SEMA3D: variants seen among roughly 807,000 people sequenced by gnomAD.
The protein encoded by SEMA3D is semaphorin 3D.
A neutral mutation model predicts 100.1 loss-of-function variants in SEMA3D; 84 were observed. The observed-to-expected ratio is 0.84, with a 90% CI of 0.70 to 1.01. The LOEUF (loss-of-function observed/expected upper bound fraction) is 1.01, where lower values mean the gene tolerates loss of function less well. SEMA3D is among the 50% of genes least tolerant of loss of function. The pLI is 0.00. For missense variants in SEMA3D, 875 were observed against 934.1 expected (o/e 0.94, Z 0.82); for synonymous variants, 312 against 320.7 (o/e 0.97, Z 0.29).
chr7:85,098,091 A>AAAAG (rs369643030), intron 3 of SEMA3D, 126 bp from the exon 4 acceptor site: 4 of 607,320 alleles, frequency 6.6e-6, no homozygotes, highest in East Asian at 3.0e-5. Context: ...AAAGAAAGAA[A>AAAAG]AAAGAAAGAA....
At chr7:85,028,454 T>C (rs1185287740) in intron 12 of SEMA3D, 2 of 407,022 alleles carry the variant, frequency 4.9e-6, no homozygotes, top group Non-Finnish European at 8.9e-6. Flanking sequence ...GGTGGTGTTT[T>C]TGATCCTCAC....
intron 14 of SEMA3D, among the ~76,000 whole-genome samples, chr7:85,018,807 A>G (rs1471426828): frequency 6.6e-6 from 1 of 151,762 alleles, no homozygotes; most frequent in African/African-American, 2.4e-5. Flanking sequence ...ATATGAACTA[A>G]GGCTAGTTTT....
intron 16 of SEMA3D, among the ~76,000 whole-genome samples, chr7:85,013,171 G>A (rs1366091952): frequency 6.6e-6 from 1 of 151,444 alleles, no homozygotes; most frequent in Non-Finnish European, 1.5e-5. Context: ...ATTAAAATGA[G>A]GATAGCTACT....
At chr7:85,108,829 A>G (rs1179296946) in intron 3 of SEMA3D, among the ~76,000 whole-genome samples, 1 of 151,938 alleles carries the variant, frequency 6.6e-6, no homozygotes, top group Admixed American at 6.6e-5. Flanking sequence ...CTTAATTGCT[A>G]GAAGTGATCA....
intron 4 of SEMA3D, among the ~76,000 whole-genome samples, chr7:85,086,174 CA>C (rs1445759169): frequency 6.6e-6 from 1 of 152,020 alleles, no homozygotes. Flanking sequence ...TTACCTTAAG[CA>C]AAAACAACCT....
At chr7:85,112,238 T>C (rs1020913990) in intron 3 of SEMA3D, among the ~76,000 whole-genome samples, 12 of 152,196 alleles carry the variant, frequency 7.9e-5, no homozygotes, top group African/African-American at 2.9e-4. Context: ...AAATAATTTG[T>C]AAATTACAGA....
intron 4 of SEMA3D, among the ~76,000 whole-genome samples, chr7:85,097,425 T>C (rs1224395853): frequency 6.6e-6 from 1 of 151,884 alleles, no homozygotes; most frequent in Non-Finnish European, 1.5e-5. Context: ...TGAAAGTTAA[T>C]AAAATTTAAT....
intron 3 of SEMA3D, among the ~76,000 whole-genome samples, chr7:85,118,801 T>G (rs1789322634): frequency 6.6e-6 from 1 of 152,144 alleles, no homozygotes; most frequent in African/African-American, 2.4e-5. Flanking sequence ...TTTAATGAGA[T>G]CCAATTTGTC....
chr7:85,028,323 G>C (rs1790448033), intron 12 of SEMA3D: 1 of 680,770 alleles, frequency 1.5e-6, no homozygotes, highest in Non-Finnish European at 2.7e-6. Flanking sequence ...ACTATTGCTG[G>C]TCTCAATGTA....
chr7:85,135,840 C>T (rs1469484457), intron 2 of SEMA3D, among the ~76,000 whole-genome samples: 2 of 150,616 alleles, frequency 1.3e-5, no homozygotes, highest in Admixed American at 6.6e-5. Context: ...TTTACTATCA[C>T]GTTTCTACTT....
At chr7:85,090,572 A>G (rs2116278856) in intron 4 of SEMA3D, among the ~76,000 whole-genome samples, 1 of 152,292 alleles carries the variant, frequency 6.6e-6, no homozygotes, top group South Asian at 2.1e-4. Flanking sequence ...TTGTTTTACA[A>G]ATAATTTGAT....
At chr7:85,202,575 T>G in the SEMA3D span, among the ~76,000 whole-genome samples, 1 of 151,818 alleles carries the variant, frequency 6.6e-6, no homozygotes, top group South Asian at 2.1e-4. Context: ...TGGGAGAAAA[T>G]TTTCGCAACC....
In SEMA3D at chr7:85,006,959, A is replaced by G. The variant is rs984303791; in HGVS notation, c.1769-18T>C. The G allele has an allele frequency of 6.2e-7, 1 of 1,604,948 alleles. No homozygotes were observed. The highest frequency in any genetic ancestry group is 8.5e-7 in the Non-Finnish European group (1 of 1,174,286). On this transcript the variant is annotated intron_variant, in intron 17 of 18. Transcript: ENST00000284136. Reference sequence around the variant, plus strand: ...ACTAATGCCTGGAAAGCAAACATGGAATAAGAGATTAACCTTGACCTGATT... The same window carrying G: ...ACTAATGCCTGGAAAGCAAACATGGGATAAGAGATTAACCTTGACCTGATT...
chr7:85,082,691 A>T (rs1788099995), intron 4 of SEMA3D, among the ~76,000 whole-genome samples: 1 of 152,242 alleles, frequency 6.6e-6, no homozygotes, highest in Non-Finnish European at 1.5e-5. Context: ...CAATGTTTAT[A>T]TGATATTATC....
At chr7:85,012,651 C>T in intron 17 of SEMA3D, 131 bp downstream of exon 17, 1 of 629,142 alleles carries the variant, frequency 1.6e-6, no homozygotes, top group Non-Finnish European at 2.8e-6. Flanking sequence ...TGTTGCTCTT[C>T]CAGAACACAT....
Position 84,998,171 on chromosome 7 carries a change from T to A in SEMA3D, c.*1269A>T, listed in dbSNP as rs1269972523. 3.9e-5 allele frequency: 6 copies of A among 152,088 alleles called. No individual in the cohort carries two copies. The highest frequency in any genetic ancestry group is 2.6e-4 in the Admixed American group (4 of 15,256). 9.4% of individuals were successfully genotyped at this position (152,088 alleles called of 1,614,324 possible). A position where few individuals can be genotyped will look rare whatever the true frequency, so the allele number is the denominator to read the frequency against. ...CGTTCTGTTATTCAACAAATATATA[T>A]CCCCACTCCCCAGAAATGTCATTTT... On this transcript the variant is annotated 3_prime_UTR_variant, in exon 19 of 19. Coordinates refer to ENST00000284136, the MANE Select transcript of SEMA3D (RefSeq NM_001384900.1).
At chr7:85,058,135 C>G (rs12707698) in intron 8 of SEMA3D, among the ~76,000 whole-genome samples, 90,131 of 151,888 alleles carry the variant, frequency 0.59, 27,778 homozygotes, top group African/African-American at 0.74. Context: ...TTCCTGTTTT[C>G]TTTTGTTTGT....
At chr7:85,212,592 G>A in the SEMA3D span, among the ~76,000 whole-genome samples, 19 of 151,802 alleles carry the variant, frequency 1.3e-4, no homozygotes, top group African/African-American at 2.9e-4. Context: ...TGTGTGTTGC[G>A]TGTTTGTATC....
intron 1 of SEMA3D, among the ~76,000 whole-genome samples, chr7:85,170,208 T>A (rs1791048463): frequency 1.3e-5 from 2 of 151,848 alleles, no homozygotes; most frequent in African/African-American, 4.8e-5. Context: ...AGATTACCAT[T>A]GGTTTCTATT....
Sources: gnomAD v4.1 joint callset for allele counts (sites outside exome capture counted in the v4.1 genomes callset) on GRCh38, gnomAD v4.1.1 for gene constraint, MANE v1.5 for transcripts, NCBI Gene and HGNC (gene_info 2026-07-23, HGNC 2026-07-21) for gene names.